The following FCN2 variants were observed in gnomAD, a reference collection of about 807,000 sequenced individuals.
FCN2 encodes ficolin-2.
FCN2 carries 31 observed loss-of-function variants against 32.5 expected under a neutral mutation model. That is an observed-to-expected ratio of 0.96 (90% CI 0.72 to 1.29). FCN2 has a LOEUF of 1.29. Among genes scored for constraint, FCN2 ranks in the 50% most tolerant of loss-of-function variants. The pLI, the probability that FCN2 is intolerant of heterozygous loss-of-function variation, is 0.00. For missense variants in FCN2, 412 were observed against 406.5 expected (o/e 1.01, Z -0.12); for synonymous variants, 181 against 164.5 (o/e 1.10, Z -0.77).
the FCN2 span, among the ~76,000 whole-genome samples, chr9:134,870,580 G>A: frequency 6.6e-6 from 1 of 152,136 alleles, no homozygotes. The surrounding 1 kb of genome is among the most constrained non-coding windows in gnomAD (Gnocchi z 4.3). Context: ...CCTGTACTGA[G>A]CCCCAAGCAG....
At chr9:134,877,241 G>C (rs1260384962), upstream of FCN2, among the ~76,000 whole-genome samples, 1 of 152,148 alleles carries the variant, frequency 6.6e-6, no homozygotes, top group Non-Finnish European at 1.5e-5. Flanking sequence ...CTGTTGACCT[G>C]AGACCTTTCT....
the FCN2 span, among the ~76,000 whole-genome samples, chr9:134,873,687 A>G: frequency 2.0e-5 from 3 of 152,216 alleles, no homozygotes; most frequent in African/African-American, 7.2e-5. Context: ...AGAGTCGACG[A>G]TGTTAAGCTG....
At chr9:134,882,758 C>G in intron 2 of FCN2, 119 bp downstream of exon 2, 1 of 692,626 alleles carries the variant, frequency 1.4e-6, no homozygotes. Context: ...CCTGCAAGAG[C>G]CAGGAAAAGA....
the FCN2 span, among the ~76,000 whole-genome samples, chr9:134,873,898 T>TG: frequency 3.2e-4 from 15 of 46,540 alleles, no homozygotes; most frequent in East Asian, 0.016. Context: ...TTTTGTTTTT[T>TG]GTTTTTTTTT....
In FCN2 at chr9:134,885,374, T is replaced by A. The variant is rs56103000; in HGVS notation, c.429+8T>A. On this transcript the variant is annotated splice_region_variant and intron_variant, in intron 5 of 7. Coordinates refer to ENST00000291744, the MANE Select transcript of FCN2 (RefSeq NM_004108.3). Reference sequence around the variant, plus strand: ...GACGGAGGGGGCTGGACCGTGAGTGTGGGGCTGGGCAGAGGCGGTCAGCCT... The same window carrying A: ...GACGGAGGGGGCTGGACCGTGAGTGAGGGGCTGGGCAGAGGCGGTCAGCCT... The A allele has an allele frequency of 1.1e-3, 1,735 of 1,612,990 alleles. 1 individual carries two copies. Among genetic ancestry groups the A allele is most frequent in the Non-Finnish European group, 1.3e-3 (1,587 of 1,179,618 alleles).
At chr9:134,874,062 G>C in the FCN2 span, among the ~76,000 whole-genome samples, 4 of 151,864 alleles carry the variant, frequency 2.6e-5, no homozygotes, top group Non-Finnish European at 4.4e-5. Flanking sequence ...TTACAGGTGT[G>C]TGCCACCACA....
rs1035466725 is a variant in FCN2 at position 134,887,520 on chromosome 9, T to C, written c.*105T>C. 8.8e-7 allele frequency: 1 copy of C among 1,135,482 alleles called. No individual in the cohort carries two copies. The highest frequency in any genetic ancestry group is 1.3e-6 in the Non-Finnish European group (1 of 771,760). 70.3% of individuals were successfully genotyped at this position (1,135,482 alleles called of 1,614,324 possible). A position where few individuals can be genotyped will look rare whatever the true frequency, so the allele number is the denominator to read the frequency against. On this transcript the variant is annotated 3_prime_UTR_variant, in exon 8 of 8. Transcript: ENST00000291744. Reference sequence around the variant, plus strand: ...GTAAAAGAAACACATGTCGTGATTCTAAATTGGGTTTGTCTTGCTGTGCGG... The same window carrying C: ...GTAAAAGAAACACATGTCGTGATTCCAAATTGGGTTTGTCTTGCTGTGCGG...
chr9:134,872,546 C>T, the FCN2 span, among the ~76,000 whole-genome samples: 1 of 152,168 alleles, frequency 6.6e-6, no homozygotes, highest in South Asian at 2.1e-4. Flanking sequence ...TTAATGGACT[C>T]ACAGTTCCAC....
chr9:134,885,252 C>A lies in FCN2; in HGVS notation c.315C>A (p.Cys105Ter). 6.2e-7 allele frequency: 1 copy of A among 1,614,134 alleles called. No individual in the cohort carries two copies. The highest frequency in any genetic ancestry group is 8.5e-7 in the Non-Finnish European group (1 of 1,180,016). Residue 105 changes from cysteine (C) to a stop codon, truncating the protein, a stop_gained, in exon 5 of 8, where the codon TGC (cysteine) becomes TGA (stop). Coordinates refer to ENST00000291744, the MANE Select transcript of FCN2 (RefSeq NM_004108.3). LOFTEE classifies it high-confidence loss of function. ...TTCCCTTCCCAGGCCCGCGTACCTGCAAGGACCTGCTAGACCGAGGGCACT... is the reference window on the plus strand; with the variant it reads ...TTCCCTTCCCAGGCCCGCGTACCTGAAAGGACCTGCTAGACCGAGGGCACT... ...PQPCLTGPRTCKDLLDRGHFL... is the reference protein window; with the variant it reads ...PQPCLTGPRT
At chr9:134,864,318 C>T in the FCN2 span, among the ~76,000 whole-genome samples, 1 of 152,208 alleles carries the variant, frequency 6.6e-6, no homozygotes, top group African/African-American at 2.4e-5. Context: ...GCCCTTCCCA[C>T]ACGGGCCTCA....
the FCN2 span, among the ~76,000 whole-genome samples, chr9:134,871,011 A>G: frequency 0.2 from 29,963 of 152,128 alleles, 3,881 homozygotes; most frequent in East Asian, 0.38. Context: ...CACGGCCGAC[A>G]TGGTACAGCC....
intron 2 of FCN2, 75 bp from the exon 3 acceptor site, chr9:134,883,227 C>T: frequency 8.1e-7 from 1 of 1,236,744 alleles, no homozygotes; most frequent in South Asian, 1.2e-5. Context: ...GAAATGACAG[C>T]CGCCAGCTCC....
rs556187255 is a variant in FCN2 at position 134,886,303 on chromosome 9, G to A, written c.560-127G>A. ...GAGCTACACAGGCCCCGGGGATGCT[G>A]CGGTGCTCTCCGCCCTCTGCCTCCA... On this transcript the variant is annotated intron_variant, in intron 6 of 7. Transcript: ENST00000291744. 36 of 1,116,038 alleles carry A rather than the reference G, an allele frequency of 3.2e-5. No homozygotes were observed. The East Asian group carries it at 8.2e-4, about 26-fold the overall frequency. The allele number at this position is 1,116,038 out of a possible 1,614,324, so 69.1% of individuals were successfully genotyped here.
upstream of FCN2, among the ~76,000 whole-genome samples, chr9:134,877,249 T>C (rs886552243): frequency 6.6e-6 from 1 of 152,346 alleles, no homozygotes; most frequent in South Asian, 2.1e-4. Context: ...CTGAGACCTT[T>C]CTTCCTTTTT....
At chr9:134,884,613 C>T in intron 3 of FCN2, 127 bp from the exon 4 acceptor site, 1 of 930,156 alleles carries the variant, frequency 1.1e-6, no homozygotes, top group Non-Finnish European at 1.7e-6. Flanking sequence ...GGGTCAGGGA[C>T]TCCTTGGCTG....
intron 7 of FCN2, 63 bp downstream of exon 7, chr9:134,886,627 G>T (rs1040576970): frequency 1.3e-6 from 2 of 1,589,294 alleles, no homozygotes; most frequent in African/African-American, 2.7e-5. Flanking sequence ...AGTGGAGAGA[G>T]CGTGCTCAGT....
At chr9:134,879,675 G>T (rs577847557), upstream of FCN2, among the ~76,000 whole-genome samples, 2 of 152,288 alleles carry the variant, frequency 1.3e-5, no homozygotes, top group East Asian at 1.9e-4. Flanking sequence ...CCCGAGGGGG[G>T]TCTTAACTAG....
intron 5 of FCN2, 95 bp downstream of exon 5, chr9:134,885,461 T>C (rs1588645068): frequency 1.3e-6 from 2 of 1,543,064 alleles, no homozygotes; most frequent in Non-Finnish European, 1.7e-6. Context: ...TTCTCTATTC[T>C]CCTGGTCGGG....
At chr9:134,883,187 G>A (rs991203151) in intron 2 of FCN2, 115 bp from the exon 3 acceptor site, 16 of 931,834 alleles carry the variant, frequency 1.7e-5, no homozygotes, top group South Asian at 6.6e-5. Flanking sequence ...CAGTCACGTC[G>A]TAGCACGAGC....
Sources: gnomAD v4.1 joint callset for allele counts (sites outside exome capture counted in the v4.1 genomes callset) on GRCh38, gnomAD v4.1.1 for gene constraint, Gnocchi (gnomAD v3.1) non-coding constraint, MANE v1.5 for transcripts, NCBI Gene and HGNC (gene_info 2026-07-23, HGNC 2026-07-21) for gene names.